CMIP: variants seen among roughly 807,000 people sequenced by gnomAD.
The protein encoded by CMIP is C-Maf-inducing protein.
A neutral mutation model predicts 97.3 loss-of-function variants in CMIP; 13 were observed. That is an observed-to-expected ratio of 0.13 (90% CI 0.09 to 0.21). The LOEUF (loss-of-function observed/expected upper bound fraction) is 0.21, where lower values mean the gene tolerates loss of function less well. Ranked by LOEUF, CMIP falls within the 10% of genes least tolerant of loss-of-function variation. The pLI is 1.00. For synonymous variants in CMIP, 538 were observed against 436.3 expected, an observed-to-expected ratio of 1.23 and a Z score of -2.91; for missense variants, 847 against 1,024.9, an observed-to-expected ratio of 0.83 and a Z score of 2.37.
intron 3 of CMIP, chr16:81,645,254 C>A: frequency 1.5e-6 from 1 of 668,556 alleles, no homozygotes; most frequent in Non-Finnish European, 2.1e-6. Context: ...TCCTCCCTGG[C>A]TCATATTTCC....
Position 81,709,956 on chromosome 16 carries a change from G to A in CMIP, c.*157G>A, listed in dbSNP as rs1229270548. The A allele has an allele frequency of 3.3e-6, 2 of 614,272 alleles. No individual in the cohort carries two copies. The highest frequency in any genetic ancestry group is 1.9e-5 in the African/African-American group (1 of 53,946). The allele number at this position is 614,272 out of a possible 1,614,324, so 38.1% of individuals were successfully genotyped here. On this transcript the variant is annotated 3_prime_UTR_variant, in exon 21 of 21. Transcript: ENST00000537098. ...GGGCGGAGGGGGGAGGGGGTGGGGA[G>A]GGGGCCCACAAGCACGCCCAGCCCC... is the stretch of plus-strand genomic sequence containing the variant.
At chr16:81,625,398 A>G (rs780181376) in intron 3 of CMIP, among the ~76,000 whole-genome samples, 1 of 152,228 alleles carries the variant, frequency 6.6e-6, no homozygotes, top group Non-Finnish European at 1.5e-5. Context: ...ATGAGGCTTC[A>G]TTTCTGACTC....
chr16:81,561,235 G>A (rs532284531), intron 1 of CMIP, among the ~76,000 whole-genome samples: 2 of 152,226 alleles, frequency 1.3e-5, no homozygotes, highest in Non-Finnish European at 2.9e-5. Flanking sequence ...GATTGCAGGC[G>A]TGAGTCAGTG....
At chr16:81,593,188 G>C (rs536028611) in intron 1 of CMIP, among the ~76,000 whole-genome samples, 86 of 152,314 alleles carry the variant, frequency 5.6e-4, no homozygotes, top group African/African-American at 1.8e-3. Flanking sequence ...CAGAGCCCCA[G>C]GCACCAGCTC....
intron 1 of CMIP, among the ~76,000 whole-genome samples, chr16:81,561,270 C>T (rs2090877899): frequency 6.6e-6 from 1 of 152,130 alleles, no homozygotes; most frequent in Non-Finnish European, 1.5e-5. Flanking sequence ...TATAGATCAC[C>T]TAATATTTTA....
chr16:81,535,521 T>A (rs571979394), intron 1 of CMIP, among the ~76,000 whole-genome samples: 1 of 151,272 alleles, frequency 6.6e-6, no homozygotes, highest in Non-Finnish European at 1.5e-5. Context: ...TAAGTGGAGC[T>A]AGTCAGAAAA....
At position 81,655,884 on chromosome 16, in the gene CMIP, A is replaced by T. The variant is rs993838639; in HGVS notation, c.640-1891A>T. 6.6e-6 allele frequency among the ~76,000 whole-genome samples: 1 copy of T among 152,194 alleles called. No individual in the cohort carries two copies. The highest frequency in any genetic ancestry group is 1.5e-5 in the Non-Finnish European group (1 of 68,040). On this transcript the variant is annotated intron_variant, in intron 4 of 20. Transcript: ENST00000537098. This position sits in a 1 kb window ranked among gnomAD's most constrained non-coding sequence, Gnocchi z 4.9. The stretch of plus-strand genomic sequence containing the variant: ...GGATAGTAGAGAACCTGTCATAATC[A>T]AAAGAAATTGGTGGCATGAGCAAAA...
At chr16:81,451,244 A>G (rs1906193847) in intron 1 of CMIP, among the ~76,000 whole-genome samples, 1 of 152,146 alleles carries the variant, frequency 6.6e-6, no homozygotes, top group African/African-American at 2.4e-5. Context: ...CTTGGTAGTG[A>G]ATAAGTCTCA....
At chr16:81,609,974 G>C (rs2091804823) in intron 2 of CMIP, among the ~76,000 whole-genome samples, 1 of 152,236 alleles carries the variant, frequency 6.6e-6, no homozygotes, top group African/African-American at 2.4e-5. Context: ...AGGAATCAGT[G>C]TGGTGGCAGG....
chr16:81,549,423 T>C (rs1270394393), intron 1 of CMIP, among the ~76,000 whole-genome samples: 1 of 152,180 alleles, frequency 6.6e-6, no homozygotes, highest in Non-Finnish European at 1.5e-5. Context: ...CCGAGGGCCG[T>C]TGGGAAATTC....
chr16:81,455,108 G>A (rs367749064), intron 1 of CMIP, among the ~76,000 whole-genome samples: 3 of 152,242 alleles, frequency 2.0e-5, no homozygotes, highest in Non-Finnish European at 2.9e-5. Context: ...ACCCTGGGGC[G>A]GGTGGTGCTT....
At chr16:81,493,739 G>A (rs1452442445) in intron 1 of CMIP, among the ~76,000 whole-genome samples, 1 of 152,192 alleles carries the variant, frequency 6.6e-6, no homozygotes, top group Non-Finnish European at 1.5e-5. Flanking sequence ...TAACATACAC[G>A]AAGCAACACG....
At chr16:81,564,108 G>T (rs1237130610) in intron 1 of CMIP, among the ~76,000 whole-genome samples, 1 of 152,252 alleles carries the variant, frequency 6.6e-6, no homozygotes, top group Non-Finnish European at 1.5e-5. Flanking sequence ...GGGCAGGTAG[G>T]ACAGAAGCAG....
At chr16:81,702,475 G>T (rs1465425181) in intron 16 of CMIP, 147 bp from the exon 17 acceptor site, 1 of 760,568 alleles carries the variant, frequency 1.3e-6, no homozygotes, top group South Asian at 1.6e-5. Flanking sequence ...CTCATCTCCG[G>T]GTTTGCCCCT....
intron 1 of CMIP, among the ~76,000 whole-genome samples, chr16:81,465,876 C>G (rs774055418): frequency 2.0e-5 from 3 of 152,216 alleles, no homozygotes; most frequent in Non-Finnish European, 4.4e-5. Context: ...CGGCTGAGGG[C>G]TGGGCTGTGG....
intron 1 of CMIP, among the ~76,000 whole-genome samples, chr16:81,569,912 G>C (rs1217764518): frequency 1.3e-5 from 2 of 152,150 alleles, no homozygotes; most frequent in Non-Finnish European, 2.9e-5. Context: ...TGTGGTAGGT[G>C]CTGTCTAAGC....
chr16:81,445,481 C>G lies in CMIP; in HGVS notation c.240C>G (p.Phe80Leu). 1 of 1,560,336 alleles carries G rather than the reference C, an allele frequency of 6.4e-7. No homozygotes were observed. Among genetic ancestry groups the G allele is most frequent in the Non-Finnish European group, 8.7e-7 (1 of 1,152,358 alleles). Residue 80 changes from phenylalanine (F) to leucine (L), a missense_variant, in exon 1 of 21, where the codon TTC (phenylalanine) becomes TTG (leucine). Physicochemically the swap from Phe to Leu is conservative, Grantham distance 22 (BLOSUM62 0). Around this residue, in one of 4 missense-constraint regions of CMIP, gnomAD observed 285 missense variants for 392.2 expected, o/e 0.73. Transcript: ENST00000537098. Reference protein sequence around the residue: ...TFLSKILTSKFLRRWEPHHLT... With the variant: ...TFLSKILTSKLLRRWEPHHLT... ...TCAGCAAGATCCTCACCTCGAAATTCCTGAGGCGCTGGGAGCCGCACCACC... is the reference window on the plus strand; with the variant it reads ...TCAGCAAGATCCTCACCTCGAAATTGCTGAGGCGCTGGGAGCCGCACCACC...
intron 1 of CMIP, among the ~76,000 whole-genome samples, chr16:81,589,719 T>C (rs547951900): frequency 6.6e-6 from 1 of 152,364 alleles, no homozygotes; most frequent in Non-Finnish European, 1.5e-5. Flanking sequence ...AAGTTTTTGT[T>C]GAACCAGATA....
rs372999023 is a variant in CMIP, at chr16:81,536,271, G to C, written c.301-71296G>C. On this transcript the variant is annotated intron_variant, in intron 1 of 20. Coordinates refer to ENST00000537098, the MANE Select transcript of CMIP (RefSeq NM_198390.3). The stretch of plus-strand genomic sequence containing the variant: ...TGAGGATGACCAAAGGTACTTGGGA[G>C]TGCTCCTTGCCTTGCTGTGGCAATT... Among the ~76,000 whole-genome samples, 4 of 152,292 alleles carry C rather than the reference G, an allele frequency of 2.6e-5. No homozygotes were observed. The East Asian group carries it at 7.7e-4, about 29-fold the overall frequency.
Sources: gnomAD v4.1 joint callset for allele counts (sites outside exome capture counted in the v4.1 genomes callset) on GRCh38, gnomAD v4.1.1 for gene constraint, gnomAD v4.1.1 regional missense constraint, Gnocchi (gnomAD v3.1) non-coding constraint, MANE v1.5 for transcripts, NCBI Gene and HGNC (gene_info 2026-07-23, HGNC 2026-07-21) for gene names.